HCN1: variants seen among roughly 807,000 people sequenced by gnomAD.
HCN1 encodes hyperpolarization activated cyclic nucleotide gated potassium channel 1, also known as potassium/sodium hyperpolarization-activated cyclic nucleotide-gated channel 1.
HCN1 carries 13 observed loss-of-function variants against 78.9 expected under a neutral mutation model. That is an observed-to-expected ratio of 0.16 (90% CI 0.11 to 0.26). The LOEUF is 0.26. HCN1 is among the 10% of genes least tolerant of loss of function. The pLI, the probability that HCN1 is intolerant of heterozygous loss-of-function variation, is 1.00. For synonymous variants in HCN1, 552 were observed against 455.5 expected (o/e 1.21, Z -2.70); for missense variants, 810 against 1,154.3 (o/e 0.70, Z 4.32).
chr5:45,326,820 A>G (rs911132208), intron 5 of HCN1, among the ~76,000 whole-genome samples: 6 of 151,606 alleles, frequency 4.0e-5, no homozygotes, highest in Non-Finnish European at 7.4e-5. Context: ...CATGCAAATG[A>G]AGTTTGAAAT....
chr5:45,422,042 T>G (rs192402091), intron 3 of HCN1, among the ~76,000 whole-genome samples: 1 of 152,240 alleles, frequency 6.6e-6, no homozygotes, highest in Non-Finnish European at 1.5e-5. Context: ...CAGAATTTTC[T>G]GACCTATCTT....
chr5:45,477,609 A>G (rs1741546570), intron 2 of HCN1, among the ~76,000 whole-genome samples: 2 of 152,202 alleles, frequency 1.3e-5, no homozygotes, highest in Non-Finnish European at 2.9e-5. Flanking sequence ...AAGAATTTAG[A>G]AAAGGAAGCA....
chr5:45,437,189 A>T (rs1417258257), intron 3 of HCN1, among the ~76,000 whole-genome samples: 1 of 152,228 alleles, frequency 6.6e-6, no homozygotes, highest in Non-Finnish European at 1.5e-5. Context: ...AATTTAATAC[A>T]TATAATAATT....
rs1028111085 is a variant in HCN1, at chr5:45,383,176, G to A, written c.1230+13316C>T. Among the ~76,000 whole-genome samples the A allele has an allele frequency of 3.3e-5, 5 of 152,224 alleles. No individual in the cohort carries two copies. In the East Asian group the frequency reaches 5.8e-4, roughly 18 times the overall value. ...TAACATTTTTCAGTGTGATGCTATC[G>A]TCTATGCATTTTCTACTATACCAAT... is the stretch of plus-strand genomic sequence containing the variant. On this transcript the variant is annotated intron_variant, in intron 4 of 7. Transcript: ENST00000303230.
chr5:45,406,845 A>T (rs1243300783), intron 3 of HCN1, among the ~76,000 whole-genome samples: 2 of 152,166 alleles, frequency 1.3e-5, no homozygotes, highest in African/African-American at 4.8e-5. Context: ...AATTTCCTGG[A>T]GAGTGTGAGG....
intron 2 of HCN1, among the ~76,000 whole-genome samples, chr5:45,524,126 G>C (rs371545257): frequency 8.1e-4 from 123 of 151,928 alleles, no homozygotes; most frequent in African/African-American, 2.1e-3. Context: ...GAATCCTTTC[G>C]CCATTTCTTG....
chr5:45,459,351 A>G (rs944600858), intron 3 of HCN1, among the ~76,000 whole-genome samples: 2 of 152,054 alleles, frequency 1.3e-5, no homozygotes, highest in Non-Finnish European at 2.9e-5. Flanking sequence ...GAAAAATGTT[A>G]AATAAACACA....
At chr5:45,400,470 C>T (rs1271637245) in intron 3 of HCN1, among the ~76,000 whole-genome samples, 1 of 139,420 alleles carries the variant, frequency 7.2e-6, no homozygotes, top group East Asian at 2.4e-4. Context: ...GCAATCTCAA[C>T]TCACTGCAAC....
rs1204843361 is a variant in HCN1 at position 45,618,846 on chromosome 5, G to T, written c.849+26339C>A. 1.3e-5 allele frequency among the ~76,000 whole-genome samples: 2 copies of T among 152,020 alleles called. 1 individual carries two copies. The highest frequency in any genetic ancestry group is 4.8e-5 in the African/African-American group (2 of 41,420). On this transcript the variant is annotated intron_variant, in intron 2 of 7. Coordinates refer to ENST00000303230, the MANE Select transcript of HCN1 (RefSeq NM_021072.4). ...CAAAAAATAAAATAAAAAAAAAGGA[G>T]AGACAGCAATCTAGACGGGATATAA...
intron 3 of HCN1, among the ~76,000 whole-genome samples, chr5:45,421,789 T>C (rs970122974): frequency 6.6e-6 from 1 of 152,178 alleles, no homozygotes; most frequent in Non-Finnish European, 1.5e-5. Flanking sequence ...AGTCCAAAAG[T>C]GTCAGTATGG....
At chr5:45,677,081 C>T (rs1739572849) in intron 1 of HCN1, among the ~76,000 whole-genome samples, 1 of 151,772 alleles carries the variant, frequency 6.6e-6, no homozygotes, top group Non-Finnish European at 1.5e-5. Context: ...TCCTATTTGT[C>T]TTTGAATTCT....
chr5:45,291,662 C>G (rs1745379375), intron 6 of HCN1, among the ~76,000 whole-genome samples: 1 of 151,908 alleles, frequency 6.6e-6, no homozygotes, highest in Non-Finnish European at 1.5e-5. Context: ...ACTTCAGGCC[C>G]CCCAAGTAGT....
intron 6 of HCN1, among the ~76,000 whole-genome samples, chr5:45,290,584 T>C (rs115785522): frequency 5.3e-5 from 8 of 152,048 alleles, no homozygotes; most frequent in Admixed American, 5.2e-4. Flanking sequence ...AAAGACACCA[T>C]TTATTAGAAG....
intron 2 of HCN1, among the ~76,000 whole-genome samples, chr5:45,492,321 T>TGA (rs1210597691): frequency 4.6e-4 from 66 of 141,960 alleles, no homozygotes; most frequent in East Asian, 2.0e-3. Flanking sequence ...TGTGTGTGTG[T>TGA]GAGAGAGAGA....
chr5:45,653,354 G>C (rs1745712338), intron 1 of HCN1, among the ~76,000 whole-genome samples: 1 of 152,000 alleles, frequency 6.6e-6, no homozygotes, highest in South Asian at 2.1e-4. Context: ...TTCAGCATCT[G>C]AGCACATCTA....
chr5:45,626,993 G>GTA (rs1277951456), intron 2 of HCN1, among the ~76,000 whole-genome samples: 124 of 149,666 alleles, frequency 8.3e-4, no homozygotes, highest in African/African-American at 1.8e-3. Context: ...TATATAACAT[G>GTA]TATATATATA....
At chr5:45,482,085 C>G (rs1741665942) in intron 2 of HCN1, among the ~76,000 whole-genome samples, 2 of 152,086 alleles carry the variant, frequency 1.3e-5, no homozygotes, top group African/African-American at 4.8e-5. Context: ...TCCTTTTGGT[C>G]TTGTTACCAG....
At chr5:45,392,987 C>G (rs1739613981) in intron 4 of HCN1, among the ~76,000 whole-genome samples, 1 of 152,038 alleles carries the variant, frequency 6.6e-6, no homozygotes, top group Non-Finnish European at 1.5e-5. Flanking sequence ...ATCTTGTGCC[C>G]TGCCATTAGA....
At chr5:45,658,724 C>A (rs1479864078) in intron 1 of HCN1, among the ~76,000 whole-genome samples, 1 of 151,894 alleles carries the variant, frequency 6.6e-6, no homozygotes, top group Non-Finnish European at 1.5e-5. Flanking sequence ...TCACTCCCAC[C>A]CGAATATTGC....
Sources: gnomAD v4.1 joint callset for allele counts (sites outside exome capture counted in the v4.1 genomes callset) on GRCh38, gnomAD v4.1.1 for gene constraint, MANE v1.5 for transcripts, NCBI Gene and HGNC (gene_info 2026-07-23, HGNC 2026-07-21) for gene names.